Variants in GPATCH2L observed in about 807,000 individuals in gnomAD.
GPATCH2L encodes G patch domain-containing protein 2-like.
In GPATCH2L, 31 loss-of-function variants were observed where a neutral mutation model predicts 57.4. That is an observed-to-expected ratio of 0.54 (90% CI 0.41 to 0.73). The LOEUF (loss-of-function observed/expected upper bound fraction) is 0.73. Ranked by LOEUF, GPATCH2L falls within the 30% of genes least tolerant of loss-of-function variation. GPATCH2L has a pLI of 0.00. For missense variants in GPATCH2L, 481 were observed against 599.9 expected, an observed-to-expected ratio of 0.80 and a Z score of 2.07; for synonymous variants, 199 against 210.7, an observed-to-expected ratio of 0.94 and a Z score of 0.48.
Position 76,208,888 on chromosome 14 carries a change from G to A in GPATCH2L, c.*7037G>A, listed in dbSNP as rs1031224475. ...AGGGTCACCTGGGAAGTTTTAAAAA[G>A]TCCTAATTCCTGGACTGGACCACAG... On this transcript the variant is annotated 3_prime_UTR_variant, in exon 10 of 10. Coordinates refer to ENST00000261530, the MANE Select transcript of GPATCH2L (RefSeq NM_017926.4). The A allele has an allele frequency of 3.9e-5, 6 of 152,180 alleles. No individual in the cohort carries two copies. Among genetic ancestry groups the A allele is most frequent in the African/African-American group, 1.4e-4 (6 of 41,424 alleles). The allele number at this position is 152,180 out of a possible 1,614,324, so 9.4% of individuals were successfully genotyped here.
intron 1 of GPATCH2L, among the ~76,000 whole-genome samples, chr14:76,223,543 C>T (rs1040378493): frequency 6.6e-6 from 1 of 152,108 alleles, no homozygotes; most frequent in Non-Finnish European, 1.5e-5. Context: ...TTAGATATGA[C>T]ACCACATGCA....
At chr14:76,176,512 T>C in intron 5 of GPATCH2L, 111 bp from the exon 6 acceptor site, 1 of 732,750 alleles carries the variant, frequency 1.4e-6, no homozygotes, top group Non-Finnish European at 2.5e-6. Context: ...ACTTTTAACA[T>C]GTGCCTTTTG....
At chr14:76,229,455 C>T (rs1331013099) in intron 1 of GPATCH2L, among the ~76,000 whole-genome samples, 1 of 152,176 alleles carries the variant, frequency 6.6e-6, no homozygotes, top group Admixed American at 6.5e-5. Context: ...TCATGTTTGT[C>T]AGAAAGCTCA....
rs543709821 is a variant in GPATCH2L, at chr14:76,203,152, CCT to C, written c.*1302_*1303del. On this transcript the variant is annotated 3_prime_UTR_variant, in exon 10 of 10. Coordinates refer to ENST00000261530, the MANE Select transcript of GPATCH2L (RefSeq NM_017926.4). ...CTCCTTCCCCCAAAGTGCGATTGCC[CCT>C]GTTTCCCATACGAAGTGTAATGACG... 3.3e-5 allele frequency: 5 copies of C among 152,154 alleles called. No individual in the cohort carries two copies. The highest frequency in any genetic ancestry group is 2.0e-4 in the Admixed American group (3 of 15,288). The allele number at this position is 152,154 out of a possible 1,614,324, so 9.4% of individuals were successfully genotyped here.
chr14:76,190,822 A>C (rs2039936732), intron 8 of GPATCH2L, among the ~76,000 whole-genome samples: 1 of 152,128 alleles, frequency 6.6e-6, no homozygotes, highest in South Asian at 2.1e-4. Context: ...TCCCCAGCCT[A>C]CTGAATTAGG....
intron 8 of GPATCH2L, among the ~76,000 whole-genome samples, chr14:76,191,604 C>T (rs2039966242): frequency 6.6e-6 from 1 of 152,048 alleles, no homozygotes; most frequent in Non-Finnish European, 1.5e-5. Context: ...CCTTCTTTTC[C>T]CCAGGCTTGT....
In GPATCH2L at chr14:76,199,229, G is replaced by A. The variant is rs898477680; in HGVS notation, c.1289-2462G>A. ...TAAAATCTTTAAAAATCTTCTCCCT[G>A]CTCTCCTCAGAGGTAAAAGTTATTC... On this transcript the variant is annotated intron_variant, in intron 9 of 9. Coordinates refer to ENST00000261530, the MANE Select transcript of GPATCH2L (RefSeq NM_017926.4). Among the ~76,000 whole-genome samples, 3 of 152,024 alleles carry A rather than the reference G, an allele frequency of 2.0e-5. No homozygotes were observed. In the East Asian group the frequency reaches 5.8e-4, roughly 29 times the overall value.
Position 76,172,035 on chromosome 14 carries a change from A to G in GPATCH2L, c.904+16A>G. The G allele has an allele frequency of 1.3e-6, 2 of 1,538,546 alleles. No individual in the cohort carries two copies. Among genetic ancestry groups the G allele is most frequent in the Non-Finnish European group, 1.8e-6 (2 of 1,134,574 alleles). ...GCTCAAAGAGGTGAGTTCTGAGGAG[A>G]CCAAGAACTTAATGCTTTTATGGTT... On this transcript the variant is annotated intron_variant, in intron 4 of 9. Transcript: ENST00000261530.
intron 2 of GPATCH2L, among the ~76,000 whole-genome samples, chr14:76,231,977 C>G (rs1488062115): frequency 6.6e-6 from 1 of 152,064 alleles, no homozygotes; most frequent in Non-Finnish European, 1.5e-5. Context: ...ACTGCAGCCT[C>G]ACTGCAGCCT....
At chr14:76,230,344 T>A (rs2040555356) in intron 2 of GPATCH2L, 1 of 152,184 alleles carries the variant, frequency 6.6e-6, no homozygotes, top group Non-Finnish European at 1.5e-5. Context: ...CAGAAGTTAT[T>A]TAGGATCTGA....
rs556596941 is a variant in GPATCH2L, at chr14:76,193,499, T to A, written c.1194-2379T>A. ...TCATGAAACTCAGCATATTGTAAAC[T>A]GTGATCTTGAAGAAGCAATGTTTTA... On this transcript the variant is annotated intron_variant, in intron 8 of 9. Transcript: ENST00000261530. 1.7e-4 allele frequency among the ~76,000 whole-genome samples: 26 copies of A among 152,328 alleles called. 1 individual carries two copies. In the East Asian group the frequency reaches 4.8e-3, roughly 28 times the overall value.
intron 1 of GPATCH2L, among the ~76,000 whole-genome samples, 155 bp downstream of exon 1, chr14:76,152,146 C>G (rs893942178): frequency 6.6e-6 from 1 of 152,146 alleles, no homozygotes; most frequent in Non-Finnish European, 1.5e-5. Flanking sequence ...TTTCAGGGCC[C>G]TTGTCCCCAT....
rs888514519 is a variant in GPATCH2L at position 76,213,419 on chromosome 14, T to C, written c.*11568T>C. On this transcript the variant is annotated 3_prime_UTR_variant, in exon 10 of 10. Transcript: ENST00000261530. ...AATTAGCATGACAGACTAAATACTTTTAAAGACCCAATGAAAACAAAGAAA... is the reference window on the plus strand; with the variant it reads ...AATTAGCATGACAGACTAAATACTTCTAAAGACCCAATGAAAACAAAGAAA... 6.6e-6 allele frequency: 1 copy of C among 152,176 alleles called. No homozygotes were observed. Among genetic ancestry groups the C allele is most frequent in the Admixed American group, 6.5e-5 (1 of 15,278 alleles). The allele number at this position is 152,176 out of a possible 1,614,324, so 9.4% of individuals were successfully genotyped here.
rs371965330 is a variant in GPATCH2L, at chr14:76,221,334, A to C, written c.66-8474A>C. On this transcript the variant is annotated intron_variant and NMD_transcript_variant, in intron 1 of 3. Transcript: ENST00000556372. ...TATTACAATGGTGATTTTCCAAAAC[A>C]CTGACAACACCAAATGCTGGTGAGC... Among the ~76,000 whole-genome samples the C allele has an allele frequency of 1.3e-3, 194 of 152,322 alleles. 8 individuals are homozygous for C. In the South Asian group the frequency reaches 0.034, roughly 26 times the overall value.
At chr14:76,196,844 A>G (rs535362324) in intron 9 of GPATCH2L, among the ~76,000 whole-genome samples, 2 of 152,212 alleles carry the variant, frequency 1.3e-5, no homozygotes, top group Admixed American at 1.3e-4. Flanking sequence ...CCTATCCTCT[A>G]CCTTAACTTA....
At chr14:76,180,903 C>G (rs932062872) in intron 8 of GPATCH2L, 54 bp downstream of exon 8, 4 of 1,019,844 alleles carry the variant, frequency 3.9e-6, no homozygotes, top group African/African-American at 1.6e-5. Context: ...ATATTCCTTT[C>G]TATTACCCCT....
At chr14:76,225,059 G>C (rs1032121654) in intron 1 of GPATCH2L, among the ~76,000 whole-genome samples, 2 of 152,090 alleles carry the variant, frequency 1.3e-5, no homozygotes, top group African/African-American at 4.8e-5. Context: ...TTTTCCAACT[G>C]GTCTACAGAG....
chr14:76,211,900 A>G lies in GPATCH2L; in HGVS notation c.*10049A>G, dbSNP rs1566824859. 2 of 152,200 alleles carry G rather than the reference A, an allele frequency of 1.3e-5. No homozygotes were observed. Among genetic ancestry groups the G allele is most frequent in the Non-Finnish European group, 2.9e-5 (2 of 68,028 alleles). 9.4% of individuals were successfully genotyped at this position (152,200 alleles called of 1,614,324 possible). A position where few individuals can be genotyped will look rare whatever the true frequency, so the allele number is the denominator to read the frequency against. ...AGTTTTGGGCCAACATTTTTCCTGA[A>G]CAGCTTCTGACTGACCAGCATTTTA... On this transcript the variant is annotated 3_prime_UTR_variant, in exon 10 of 10. Coordinates refer to ENST00000261530, the MANE Select transcript of GPATCH2L (RefSeq NM_017926.4).
Position 76,180,845 on chromosome 14 carries a change from G to GC in GPATCH2L, c.1191dup (p.Arg398GlnfsTer14). 1 of 1,601,088 alleles carries GC rather than the reference G, an allele frequency of 6.2e-7. No homozygotes were observed. Among genetic ancestry groups the GC allele is most frequent in the Non-Finnish European group, 8.6e-7 (1 of 1,168,114 alleles). On this transcript the variant is annotated frameshift_variant, in exon 8 of 10. Transcript: ENST00000261530. LOFTEE classifies it high-confidence loss of function. ...AAGGTGTTCACCAGCACACTGCTCTGCCAGGTAATTGTCTTTTAGTAGCGG... is the reference window on the plus strand; with the variant it reads ...AAGGTGTTCACCAGCACACTGCTCTGCCCAGGTAATTGTCTTTTAGTAGCGG...
Sources: gnomAD v4.1 joint callset for allele counts (sites outside exome capture counted in the v4.1 genomes callset) on GRCh38, gnomAD v4.1.1 for gene constraint, MANE v1.5 for transcripts, NCBI Gene and HGNC (gene_info 2026-07-23, HGNC 2026-07-21) for gene names.